Variants in MAF observed in about 807,000 individuals in gnomAD.
The protein encoded by MAF is transcription factor Maf.
In MAF, 10 loss-of-function variants were observed where a neutral mutation model predicts 22.0. The observed-to-expected ratio is 0.45, with a 90% CI of 0.28 to 0.77. The LOEUF (loss-of-function observed/expected upper bound fraction) is 0.77. Among genes scored for constraint, MAF ranks in the 30% least tolerant of loss-of-function variants. The pLI, the probability that MAF is intolerant of heterozygous loss-of-function variation, is 0.12. For synonymous variants in MAF, 337 were observed against 255.8 expected (o/e 1.32, Z -3.03); for missense variants, 544 against 548.4 (o/e 0.99, Z 0.08).
chr16:79,552,537 C>A, the MAF span, among the ~76,000 whole-genome samples: 1 of 152,190 alleles, frequency 6.6e-6, no homozygotes, highest in Non-Finnish European at 1.5e-5. Flanking sequence ...TCTCTGGCTA[C>A]TAAGAGAATT....
the MAF span, among the ~76,000 whole-genome samples, chr16:79,421,116 T>A: frequency 6.6e-6 from 1 of 152,186 alleles, no homozygotes; most frequent in African/African-American, 2.4e-5. Flanking sequence ...TAGCCGTTGT[T>A]AATCTCTTAC....
the MAF span, among the ~76,000 whole-genome samples, chr16:79,375,131 A>G: frequency 6.6e-6 from 1 of 152,218 alleles, no homozygotes; most frequent in African/African-American, 2.4e-5. Flanking sequence ...ACACAAGGTA[A>G]AGGAATCATG....
At chr16:79,408,018 A>G in the MAF span, among the ~76,000 whole-genome samples, 10 of 137,420 alleles carry the variant, frequency 7.3e-5, no homozygotes, top group Non-Finnish European at 1.4e-4. Context: ...TTTACACATG[A>G]AGAGGCGGGC....
At chr16:79,504,678 G>A in the MAF span, among the ~76,000 whole-genome samples, 1 of 152,102 alleles carries the variant, frequency 6.6e-6, no homozygotes, top group African/African-American at 2.4e-5. Flanking sequence ...TTTGATGGAT[G>A]GATGGATGAC....
At chr16:79,215,683 A>G in the MAF span, among the ~76,000 whole-genome samples, 2 of 152,194 alleles carry the variant, frequency 1.3e-5, no homozygotes, top group South Asian at 4.1e-4. Flanking sequence ...CAAGATTTCC[A>G]AGTCATATAG....
At chr16:79,429,119 G>C in the MAF span, among the ~76,000 whole-genome samples, 6 of 152,144 alleles carry the variant, frequency 3.9e-5, no homozygotes, top group Non-Finnish European at 8.8e-5. Context: ...ACCTTTATAA[G>C]CTTTGTTTTG....
chr16:79,388,078 A>G, the MAF span, among the ~76,000 whole-genome samples: 1 of 152,236 alleles, frequency 6.6e-6, no homozygotes, highest in Non-Finnish European at 1.5e-5. Context: ...ACTCAGGGCT[A>G]GTTCACAGCG....
the MAF span, among the ~76,000 whole-genome samples, chr16:79,475,373 T>G: frequency 6.6e-6 from 1 of 151,660 alleles, no homozygotes; most frequent in African/African-American, 2.4e-5. Context: ...TGTGTGTGTG[T>G]GTGTGTGTGT....
At chr16:79,534,106 T>C in the MAF span, among the ~76,000 whole-genome samples, 1 of 152,240 alleles carries the variant, frequency 6.6e-6, no homozygotes, top group African/African-American at 2.4e-5. Flanking sequence ...TCTACTTGCC[T>C]AGGCAACTGG....
chr16:79,315,473 C>CA, the MAF span, among the ~76,000 whole-genome samples: 2 of 152,144 alleles, frequency 1.3e-5, no homozygotes, highest in East Asian at 3.8e-4. Context: ...CCAATGAGAG[C>CA]ATCGTTGAGC....
At chr16:79,238,637 C>A in the MAF span, among the ~76,000 whole-genome samples, 1 of 152,078 alleles carries the variant, frequency 6.6e-6, no homozygotes, top group South Asian at 2.1e-4. Context: ...GATTAAAACA[C>A]AGGACATTCA....
Position 79,599,030 on chromosome 16 carries a change from C to T in MAF, c.873G>A (p.Gln291=). 1 of 1,613,446 alleles carries T rather than the reference C, an allele frequency of 6.2e-7. No individual in the cohort carries two copies. Among genetic ancestry groups the T allele is most frequent in the Non-Finnish European group, 8.5e-7 (1 of 1,179,938 alleles). The change falls in exon 1 of 2, where the codon CAG becomes CAA. Residue 291 remains glutamine, a synonymous_variant. Coordinates refer to ENST00000326043, the MANE Select transcript of MAF (RefSeq NM_005360.5). ...CGCGGTTTTTCAGGGTCCGCCTCTTCTGCTTCAGCCGGATCACCTCCTCCT... is the reference window on the plus strand; with the variant it reads ...CGCGGTTTTTCAGGGTCCGCCTCTTTTGCTTCAGCCGGATCACCTCCTCCT... ...VSKEEVIRLK[Q]KRRTLKNRGY...
At chr16:79,233,752 G>C in the MAF span, among the ~76,000 whole-genome samples, 1 of 151,976 alleles carries the variant, frequency 6.6e-6, no homozygotes, top group African/African-American at 2.4e-5. Flanking sequence ...CCAGTATTTT[G>C]GGAGGCCGAG....
the MAF span, among the ~76,000 whole-genome samples, chr16:79,561,260 A>T: frequency 2.4e-4 from 35 of 148,804 alleles, no homozygotes; most frequent in Non-Finnish European, 5.1e-4. Flanking sequence ...TTTTTCCTAG[A>T]TGTCCTTTAT....
the MAF span, among the ~76,000 whole-genome samples, chr16:79,262,781 G>C: frequency 6.6e-6 from 1 of 152,162 alleles, no homozygotes; most frequent in South Asian, 2.1e-4. Flanking sequence ...TCAACTCCCA[G>C]CCAATCTAAA....
chr16:79,368,534 T>C, the MAF span, among the ~76,000 whole-genome samples: 1 of 152,156 alleles, frequency 6.6e-6, no homozygotes, highest in South Asian at 2.1e-4. Context: ...ATTTGTGAAG[T>C]GTCTACTGTG....
the MAF span, among the ~76,000 whole-genome samples, chr16:79,251,763 C>T: frequency 1.3e-5 from 2 of 152,198 alleles, no homozygotes; most frequent in African/African-American, 4.8e-5. Context: ...GGGGCCTGGG[C>T]TGGGTCTTCC....
the MAF span, among the ~76,000 whole-genome samples, chr16:79,552,331 C>T: frequency 6.6e-6 from 1 of 152,026 alleles, no homozygotes. Flanking sequence ...GTCCAGCCTT[C>T]CCAGTAGCTG....
At chr16:79,304,408 T>A in the MAF span, among the ~76,000 whole-genome samples, 1 of 152,250 alleles carries the variant, frequency 6.6e-6, no homozygotes, top group Non-Finnish European at 1.5e-5. Context: ...ATGTGGACTC[T>A]GGTTTTTAAT....
Sources: allele counts gnomAD v4.1 joint callset (sites outside exome capture counted in the v4.1 genomes callset), GRCh38; gene constraint gnomAD v4.1.1; transcripts MANE v1.5; gene names NCBI Gene and HGNC (gene_info 2026-07-23, HGNC 2026-07-21).